STXBP6: variants seen among roughly 807,000 people sequenced by gnomAD.
STXBP6 encodes the protein syntaxin binding protein 6.
Under a neutral mutation model 26.9 loss-of-function variants are expected in STXBP6, and 21 were observed. The observed-to-expected ratio is 0.78, with a 90% CI of 0.55 to 1.12. The LOEUF is 1.12. Among genes scored for constraint, STXBP6 ranks in the 50% most tolerant of loss-of-function variants. The pLI is 0.00. For synonymous variants in STXBP6, 97 were observed against 92.6 expected (o/e 1.05, Z -0.27); for missense variants, 232 against 257.9 (o/e 0.90, Z 0.69).
chr14:25,013,853 T>A (rs189137826), intron 1 of STXBP6, among the ~76,000 whole-genome samples: 269 of 152,028 alleles, frequency 1.8e-3, no homozygotes, highest in African/African-American at 6.3e-3. Context: ...ATGTGGATAC[T>A]GTTACAAACT....
chr14:24,944,887 G>T (rs1247696543), intron 2 of STXBP6, among the ~76,000 whole-genome samples: 1 of 151,994 alleles, frequency 6.6e-6, no homozygotes, highest in East Asian at 1.9e-4. Context: ...TTCAGGGCCT[G>T]AATCTTAGCC....
chr14:25,013,416 A>G (rs2075075149), intron 1 of STXBP6, among the ~76,000 whole-genome samples: 1 of 151,770 alleles, frequency 6.6e-6, no homozygotes, highest in South Asian at 2.1e-4. Context: ...CTCCTAATGA[A>G]TTGATGGATT....
At chr14:25,037,104 C>G (rs34749603) in intron 1 of STXBP6, among the ~76,000 whole-genome samples, 2 of 152,114 alleles carry the variant, frequency 1.3e-5, no homozygotes, top group Admixed American at 1.3e-4. Flanking sequence ...TGGCAGGACC[C>G]TGAAAGGCCC....
At chr14:24,999,178 G>A (rs1380476814) in intron 1 of STXBP6, among the ~76,000 whole-genome samples, 1 of 152,110 alleles carries the variant, frequency 6.6e-6, no homozygotes, top group African/African-American at 2.4e-5. Context: ...TCATAAGTCA[G>A]GGATTGTCTG....
Position 24,855,934 on chromosome 14 carries a change from A to C in STXBP6, c.451+2T>G. 1.3e-6 allele frequency: 2 copies of C among 1,597,806 alleles called. No individual in the cohort carries two copies. Among genetic ancestry groups the C allele is most frequent in the Non-Finnish European group, 1.7e-6 (2 of 1,173,932 alleles). On this transcript the variant is annotated splice_donor_variant, in intron 4 of 5. Coordinates refer to ENST00000323944, the MANE Select transcript of STXBP6 (RefSeq NM_001394410.1). LOFTEE classifies it high-confidence loss of function. Reference sequence around the variant, plus strand: ...ACTAAAGTCACACAAATGTCCACTCACCTCCCATAATTTTGGATTGGCAGT... The same window carrying C: ...ACTAAAGTCACACAAATGTCCACTCCCCTCCCATAATTTTGGATTGGCAGT...
chr14:24,884,961 G>A (rs918249415), intron 2 of STXBP6, among the ~76,000 whole-genome samples: 1 of 152,060 alleles, frequency 6.6e-6, no homozygotes. Flanking sequence ...CCACAGTTTT[G>A]TCAGGAAACA....
rs376337919 is a variant in STXBP6 at position 24,812,612 on chromosome 14, G to GA, written c.*96dup. 4 of 1,238,942 alleles carry GA rather than the reference G, an allele frequency of 3.2e-6. No individual in the cohort carries two copies. The highest frequency in any genetic ancestry group is 2.3e-6 in the Non-Finnish European group (2 of 853,088). 76.7% of individuals were successfully genotyped at this position (1,238,942 alleles called of 1,614,324 possible). A position where few individuals can be genotyped will look rare whatever the true frequency, so the allele number is the denominator to read the frequency against. ...AACCACTCTAAGTGTCCAAATATTG[G>GA]AAAAAAAGAAGCAAGCGGAGGTCCC... On this transcript the variant is annotated 3_prime_UTR_variant, in exon 6 of 6. Coordinates refer to ENST00000323944, the MANE Select transcript of STXBP6 (RefSeq NM_001394410.1).
intron 2 of STXBP6, among the ~76,000 whole-genome samples, chr14:24,930,965 G>A (rs2072366318): frequency 6.9e-6 from 1 of 144,618 alleles, no homozygotes. Flanking sequence ...CAAAAAATTA[G>A]CCGGGCGCGG....
Position 24,982,524 on chromosome 14 carries a change from T to C in STXBP6, c.-32-7674A>G, listed in dbSNP as rs1364581392. On this transcript the variant is annotated intron_variant, in intron 1 of 5. Coordinates refer to ENST00000323944, the MANE Select transcript of STXBP6 (RefSeq NM_001394410.1). ...CAACCGTACACAACAGCCCTGGTCA[T>C]ACTGTTTAATTCTTTAAGGAAGGAA... Among the ~76,000 whole-genome samples the C allele has an allele frequency of 2.0e-5, 3 of 152,356 alleles. No homozygotes were observed. The East Asian group carries it at 5.8e-4, about 29-fold the overall frequency.
At chr14:24,873,461 A>C (rs2070016163) in intron 2 of STXBP6, among the ~76,000 whole-genome samples, 1 of 152,084 alleles carries the variant, frequency 6.6e-6, no homozygotes, top group Non-Finnish European at 1.5e-5. Context: ...CAGCATAGTC[A>C]CTCTCTCATG....
intron 2 of STXBP6, among the ~76,000 whole-genome samples, chr14:24,892,692 C>T (rs114480251): frequency 9.8e-5 from 15 of 152,324 alleles, no homozygotes; most frequent in African/African-American, 3.1e-4. Flanking sequence ...CCATTGACAG[C>T]ACTGAGTTGC....
chr14:24,881,853 A>C (rs1448269892), intron 2 of STXBP6, among the ~76,000 whole-genome samples: 1 of 152,216 alleles, frequency 6.6e-6, no homozygotes, highest in Non-Finnish European at 1.5e-5. Flanking sequence ...GCTGGAGCGA[A>C]GATGTGCAGG....
chr14:24,988,503 T>C (rs945136955), intron 1 of STXBP6, among the ~76,000 whole-genome samples: 2 of 152,216 alleles, frequency 1.3e-5, no homozygotes, highest in Admixed American at 1.3e-4. Context: ...ATACTTACTC[T>C]ATTAAGCCTA....
At chr14:24,979,587 T>C (rs1469422937) in intron 1 of STXBP6, among the ~76,000 whole-genome samples, 2 of 152,340 alleles carry the variant, frequency 1.3e-5, no homozygotes, top group Admixed American at 6.5e-5. Context: ...GTCCCACCTA[T>C]AATGTTGATG....
At chr14:24,831,900 C>T (rs1019291338) in intron 4 of STXBP6, among the ~76,000 whole-genome samples, 6 of 152,018 alleles carry the variant, frequency 3.9e-5, no homozygotes, top group Admixed American at 1.3e-4. Context: ...GTCAAAGGGG[C>T]GAATGAAGGA....
chr14:24,866,751 G>C (rs1255924285), intron 2 of STXBP6, among the ~76,000 whole-genome samples: 2 of 150,888 alleles, frequency 1.3e-5, no homozygotes, highest in Admixed American at 6.6e-5. Context: ...CTGTCCACAG[G>C]AATACTCTAC....
rs183492588 is a variant in STXBP6 at position 24,851,368 on chromosome 14, C to T, written c.451+4568G>A. ...CATCATTTAGCATTAGGTATATCTCCTAATGCTATCCCTCCCCCCTCCCCC... is the reference window on the plus strand; with the variant it reads ...CATCATTTAGCATTAGGTATATCTCTTAATGCTATCCCTCCCCCCTCCCCC... On this transcript the variant is annotated intron_variant, in intron 4 of 5. Transcript: ENST00000323944. Among the ~76,000 whole-genome samples, 388 of 151,490 alleles carry T rather than the reference C, an allele frequency of 2.6e-3. 3 individuals carry two copies. The highest frequency in any genetic ancestry group is 8.8e-3 in the African/African-American group (363 of 41,220).
intron 2 of STXBP6, among the ~76,000 whole-genome samples, chr14:24,888,224 CACA>C (rs1249359412): frequency 6.6e-6 from 1 of 152,136 alleles, no homozygotes; most frequent in Non-Finnish European, 1.5e-5. Context: ...TGGAAGAGAA[CACA>C]ACATCAACAA....
At chr14:24,925,029 C>A (rs1432635412) in intron 2 of STXBP6, among the ~76,000 whole-genome samples, 1 of 152,158 alleles carries the variant, frequency 6.6e-6, no homozygotes, top group Non-Finnish European at 1.5e-5. Context: ...AGTTTAGTTC[C>A]ATGTTCGTGG....
Sources: allele counts gnomAD v4.1 joint callset (sites outside exome capture counted in the v4.1 genomes callset), GRCh38; gene constraint gnomAD v4.1.1; transcripts MANE v1.5; gene names NCBI Gene and HGNC (gene_info 2026-07-23, HGNC 2026-07-21).